Variants in LRRTM4 observed in about 807,000 individuals in gnomAD.
LRRTM4 encodes leucine-rich repeat transmembrane neuronal protein 4.
In LRRTM4, 25 loss-of-function variants were observed where a neutral mutation model predicts 47.6. That is an observed-to-expected ratio of 0.53 (90% CI 0.38 to 0.73). The LOEUF is 0.73. Among genes scored for constraint, LRRTM4 ranks in the 30% least tolerant of loss-of-function variants. The pLI is 0.00. For missense variants in LRRTM4, 638 were observed against 713.4 expected (o/e 0.89, Z 1.20); for synonymous variants, 311 against 269.5 (o/e 1.15, Z -1.51).
At chr2:76,999,082 T>C (rs1360184565) in intron 3 of LRRTM4, among the ~76,000 whole-genome samples, 3 of 152,088 alleles carry the variant, frequency 2.0e-5, no homozygotes, top group African/African-American at 7.2e-5. Context: ...TTGTTGTTAC[T>C]GTTGTTGTGT....
chr2:77,037,542 T>G (rs1678877717), intron 3 of LRRTM4, among the ~76,000 whole-genome samples: 1 of 149,620 alleles, frequency 6.7e-6, no homozygotes, highest in Non-Finnish European at 1.5e-5. Flanking sequence ...GGTACTTCCT[T>G]TGTTGCTGTT....
intron 3 of LRRTM4, among the ~76,000 whole-genome samples, chr2:77,392,782 G>T (rs1673553465): frequency 6.6e-6 from 1 of 151,982 alleles, no homozygotes; most frequent in Admixed American, 6.6e-5. Context: ...GGAGGAATAT[G>T]TTCAAGAGAA....
intron 3 of LRRTM4, among the ~76,000 whole-genome samples, chr2:77,127,721 TG>T (rs1671683832): frequency 6.6e-6 from 1 of 152,152 alleles, no homozygotes; most frequent in African/African-American, 2.4e-5. Flanking sequence ...AAAAAACACA[TG>T]CATGGTCTTG....
chr2:77,170,722 A>T (rs571242205), intron 3 of LRRTM4, among the ~76,000 whole-genome samples: 10 of 152,254 alleles, frequency 6.6e-5, no homozygotes, highest in African/African-American at 2.4e-4. Flanking sequence ...AGGTAATGTG[A>T]ATCAGTTCCT....
At chr2:76,902,969 G>A (rs1362417137) in intron 3 of LRRTM4, among the ~76,000 whole-genome samples, 1 of 151,916 alleles carries the variant, frequency 6.6e-6, no homozygotes, top group Non-Finnish European at 1.5e-5. Flanking sequence ...AATAAATTGG[G>A]TGGGTCAAGG....
At chr2:76,755,101 C>T (rs762796896) in intron 3 of LRRTM4, among the ~76,000 whole-genome samples, 48 of 152,266 alleles carry the variant, frequency 3.2e-4, no homozygotes, top group Admixed American at 7.8e-4. Context: ...AGGACTATAT[C>T]ATGTGGTCCC....
intron 3 of LRRTM4, among the ~76,000 whole-genome samples, chr2:77,416,839 T>A (rs1050030891): frequency 1.3e-5 from 2 of 152,092 alleles, no homozygotes; most frequent in African/African-American, 4.8e-5. Flanking sequence ...AATACTGTAA[T>A]ATTTTATTTT....
chr2:77,017,532 C>G (rs1241647829), intron 3 of LRRTM4, among the ~76,000 whole-genome samples: 1 of 152,108 alleles, frequency 6.6e-6, no homozygotes, highest in Non-Finnish European at 1.5e-5. Flanking sequence ...TTTGCTGGAG[C>G]TAAATGAAAG....
chr2:76,846,830 T>C (rs533465080), intron 3 of LRRTM4, among the ~76,000 whole-genome samples: 52 of 152,336 alleles, frequency 3.4e-4, no homozygotes, highest in African/African-American at 1.1e-3. Flanking sequence ...TTCATGGATA[T>C]AGCCCATTAT....
intron 3 of LRRTM4, among the ~76,000 whole-genome samples, chr2:77,225,201 C>T (rs181053295): frequency 3.3e-4 from 34 of 103,054 alleles, no homozygotes; most frequent in Admixed American, 2.1e-3. Flanking sequence ...CATCACACAC[C>T]GGGGACTGTT....
chr2:77,214,577 A>G (rs1674384878), intron 3 of LRRTM4, among the ~76,000 whole-genome samples: 1 of 152,176 alleles, frequency 6.6e-6, no homozygotes, highest in Non-Finnish European at 1.5e-5. Flanking sequence ...AGAGCTATGA[A>G]AAGATTTAAT....
At chr2:77,093,526 C>T (rs1257460666) in intron 3 of LRRTM4, among the ~76,000 whole-genome samples, 4 of 151,952 alleles carry the variant, frequency 2.6e-5, no homozygotes, top group African/African-American at 4.9e-5. Context: ...TACATTCCCA[C>T]ACCACCCCTA....
chr2:77,458,672 T>G (rs759799830), intron 3 of LRRTM4, among the ~76,000 whole-genome samples: 2 of 151,908 alleles, frequency 1.3e-5, no homozygotes, highest in African/African-American at 2.4e-5. Flanking sequence ...GGCAGGTTTT[T>G]CCTTCCTTGC....
At chr2:77,482,083 G>C (rs1034982712) in intron 3 of LRRTM4, among the ~76,000 whole-genome samples, 8 of 151,958 alleles carry the variant, frequency 5.3e-5, no homozygotes, top group Non-Finnish European at 5.9e-5. Flanking sequence ...TTATATATTC[G>C]GGTCAATGGA....
In LRRTM4 at chr2:77,478,108, CAA is replaced by C. The variant is rs201534113; in HGVS notation, c.1551+40208_1551+40209del. ...AATTTAAATTAAGATTTTACAGAAT[CAA>C]AAGCTGTCCCTGTTATTACTTGCTG... On this transcript the variant is annotated intron_variant, in intron 3 of 3. Transcript: ENST00000409884. 1.4e-3 allele frequency among the ~76,000 whole-genome samples: 218 copies of C among 152,214 alleles called. 2 individuals are homozygous for C. The highest frequency in any genetic ancestry group is 5.1e-3 in the African/African-American group (214 of 41,570).
intron 3 of LRRTM4, among the ~76,000 whole-genome samples, chr2:76,938,565 T>G (rs1404559149): frequency 6.6e-6 from 1 of 152,164 alleles, no homozygotes; most frequent in Admixed American, 6.5e-5. Flanking sequence ...ATTAATGAGC[T>G]GAATTATAAT....
intron 3 of LRRTM4, among the ~76,000 whole-genome samples, chr2:77,109,534 C>T (rs988101328): frequency 6.6e-6 from 1 of 151,984 alleles, no homozygotes; most frequent in Admixed American, 6.6e-5. Flanking sequence ...CAAAGCAGTT[C>T]CAGGTTAAAG....
At chr2:77,322,379 C>T (rs1368097908) in intron 3 of LRRTM4, among the ~76,000 whole-genome samples, 1 of 152,078 alleles carries the variant, frequency 6.6e-6, no homozygotes, top group Admixed American at 6.6e-5. Context: ...GCATCTGACT[C>T]CTCTAACCAC....
chr2:77,489,368 G>C (rs1463009154), intron 3 of LRRTM4, among the ~76,000 whole-genome samples: 2 of 152,182 alleles, frequency 1.3e-5, no homozygotes, highest in Non-Finnish European at 2.9e-5. Flanking sequence ...ACTGTGATTT[G>C]TAGAACTGTC....
Sources: allele counts gnomAD v4.1 joint callset (sites outside exome capture counted in the v4.1 genomes callset), GRCh38; gene constraint gnomAD v4.1.1; transcripts MANE v1.5; gene names NCBI Gene and HGNC (gene_info 2026-07-23, HGNC 2026-07-21).